Variants in STRN observed in about 807,000 individuals in gnomAD.
STRN encodes striatin.
In STRN, 53 loss-of-function variants were observed where a neutral mutation model predicts 96.3. That is an observed-to-expected ratio of 0.55 (90% CI 0.44 to 0.69). STRN has a LOEUF of 0.69. STRN is among the 30% of genes least tolerant of loss of function. STRN has a pLI of 0.00. For missense variants in STRN, 987 were observed against 963.9 expected, an observed-to-expected ratio of 1.02 and a Z score of -0.32; for synonymous variants, 428 against 355.9, an observed-to-expected ratio of 1.20 and a Z score of -2.28.
intron 2 of STRN, among the ~76,000 whole-genome samples, chr2:36,924,452 GA>G (rs1670356034): frequency 6.6e-6 from 1 of 150,638 alleles, no homozygotes; most frequent in Non-Finnish European, 1.5e-5. Context: ...AATATTAAAT[GA>G]CAGGAAAAGG....
intron 1 of STRN, among the ~76,000 whole-genome samples, chr2:36,957,742 G>GTTTTTTTTTTTTTTTTTTTTTTTTTTTT (rs1158709835): frequency 9.7e-6 from 1 of 103,132 alleles, no homozygotes; most frequent in African/African-American, 3.5e-5. Flanking sequence ...TCTTCTTTTT[G>GTTTTTTTTTTTTTTTTTTTTTTTTTTTT]TCTTTTTTTT....
Position 36,849,631 on chromosome 2 carries a change from T to C in STRN, c.2174-6A>G. 1 of 1,610,352 alleles carries C rather than the reference T, an allele frequency of 6.2e-7. No homozygotes were observed. The highest frequency in any genetic ancestry group is 8.5e-7 in the Non-Finnish European group (1 of 1,179,024). On this transcript the variant is annotated splice_region_variant and splice_polypyrimidine_tract_variant and intron_variant, in intron 17 of 17. Transcript: ENST00000263918. The stretch of plus-strand genomic sequence containing the variant: ...ACGTATTGAACAGTCATGACCTATA[T>C]CCAAAAAAAAAATTAAAAGGAAAAA...
At chr2:36,867,761 C>A in intron 12 of STRN, 53 bp downstream of exon 12, 1 of 1,196,954 alleles carries the variant, frequency 8.4e-7, no homozygotes, top group Non-Finnish European at 1.2e-6. Context: ...ATATCCTAAC[C>A]AGGCTATTTT....
At chr2:36,929,630 A>G (rs1452963297) in intron 1 of STRN, among the ~76,000 whole-genome samples, 1 of 152,120 alleles carries the variant, frequency 6.6e-6, no homozygotes, top group African/African-American at 2.4e-5. Context: ...TGATCCACCC[A>G]CCTCAGCCTC....
intron 1 of STRN, among the ~76,000 whole-genome samples, chr2:36,957,737 T>C (rs1664924350): frequency 7.3e-6 from 1 of 137,776 alleles, no homozygotes; most frequent in Admixed American, 7.3e-5. Flanking sequence ...ATAGTTCTTC[T>C]TTTTGTCTTT....
intron 9 of STRN, among the ~76,000 whole-genome samples, chr2:36,882,211 T>C (rs1669091280): frequency 6.6e-6 from 1 of 152,128 alleles, no homozygotes; most frequent in African/African-American, 2.4e-5. Context: ...AAAAAACATA[T>C]GATTATGCTG....
intron 10 of STRN, among the ~76,000 whole-genome samples, chr2:36,870,283 C>T (rs527869639): frequency 2.5e-5 from 3 of 121,148 alleles, no homozygotes; most frequent in African/African-American, 8.6e-5. Flanking sequence ...CATGGTAACT[C>T]AATCTCAAAA....
rs1572610610 is a variant in STRN at position 36,838,203 on chromosome 2, A to G, written c.*11253T>C. On this transcript the variant is annotated 3_prime_UTR_variant, in exon 18 of 18. Transcript: ENST00000263918. ...GTGGAAGGGACCACGTGCAAGGACCACGGAGCAACCTCTAAAGGATCAGAT... is the reference window on the plus strand; with the variant it reads ...GTGGAAGGGACCACGTGCAAGGACCGCGGAGCAACCTCTAAAGGATCAGAT... 6.6e-6 allele frequency among the ~76,000 whole-genome samples: 1 copy of G among 152,236 alleles called. No homozygotes were observed. Among genetic ancestry groups the G allele is most frequent in the Non-Finnish European group, 1.5e-5 (1 of 68,036 alleles).
At chr2:36,909,733 G>C (rs1669916085) in intron 3 of STRN, among the ~76,000 whole-genome samples, 1 of 151,792 alleles carries the variant, frequency 6.6e-6, no homozygotes. Context: ...ACTACACCAG[G>C]GCATATCATA....
At chr2:36,953,692 G>A (rs967137112) in intron 1 of STRN, among the ~76,000 whole-genome samples, 4 of 152,136 alleles carry the variant, frequency 2.6e-5, no homozygotes, top group Admixed American at 6.6e-5. Flanking sequence ...GTGAGCCACC[G>A]TGCCAGGCCA....
chr2:36,892,409 A>C (rs1278244384), intron 7 of STRN, among the ~76,000 whole-genome samples: 2 of 152,212 alleles, frequency 1.3e-5, no homozygotes, highest in Admixed American at 6.5e-5. Flanking sequence ...ATGTACTCCC[A>C]AAACTGAAAG....
intron 15 of STRN, among the ~76,000 whole-genome samples, chr2:36,852,414 A>G (rs1463427133): frequency 6.6e-6 from 1 of 152,216 alleles, no homozygotes; most frequent in Non-Finnish European, 1.5e-5. Context: ...GTATTGTGTC[A>G]ATGTTAAGTT....
chr2:36,856,609 TG>T (rs1668347198), intron 14 of STRN, among the ~76,000 whole-genome samples: 1 of 152,044 alleles, frequency 6.6e-6, no homozygotes, highest in African/African-American at 2.4e-5. Flanking sequence ...ATCACAACAG[TG>T]GGTACCTCTG....
chr2:36,873,786 T>C (rs929746188), intron 10 of STRN, among the ~76,000 whole-genome samples: 4 of 149,030 alleles, frequency 2.7e-5, no homozygotes, highest in African/African-American at 1.0e-4. Context: ...CTACTAAGAA[T>C]ACAAAAATTA....
chr2:36,860,426 T>C (rs987867057), intron 13 of STRN, among the ~76,000 whole-genome samples: 4 of 152,206 alleles, frequency 2.6e-5, no homozygotes, highest in African/African-American at 4.8e-5. Flanking sequence ...GGAAAAATTT[T>C]TGTTTATTGA....
intron 10 of STRN, among the ~76,000 whole-genome samples, chr2:36,873,840 G>A (rs993390540): frequency 6.6e-6 from 1 of 151,800 alleles, no homozygotes; most frequent in African/African-American, 2.4e-5. Context: ...CTACCCGAGA[G>A]GCTGAGGCAG....
At chr2:36,957,225 C>T (rs1664909447) in intron 1 of STRN, among the ~76,000 whole-genome samples, 1 of 152,186 alleles carries the variant, frequency 6.6e-6, no homozygotes, top group Non-Finnish European at 1.5e-5. Context: ...TATATTGGCC[C>T]TCAAATGTAT....
intron 13 of STRN, among the ~76,000 whole-genome samples, chr2:36,858,903 A>G (rs1052980622): frequency 6.6e-6 from 1 of 152,222 alleles, no homozygotes; most frequent in Non-Finnish European, 1.5e-5. Context: ...AGCAGAGAGT[A>G]ACTGGAATGA....
In STRN at chr2:36,925,114, T is replaced by C. The variant is rs1316527375; in HGVS notation, c.329A>G (p.Lys110Arg). ...RRIKMLEYAL[K>R]QERAKYHKLK... The stretch of plus-strand genomic sequence containing the variant: ...CATTTTACTGAATTACCTTTCCTGT[T>C]TAAGAGCATACTCCAACATTTTGAT... The change falls in exon 2 of 18, where the codon AAA (lysine) becomes AGA (arginine). Residue 110 changes from lysine (K) to arginine (R), a missense_variant. Transcript: ENST00000263918. 2.5e-6 allele frequency: 4 copies of C among 1,611,282 alleles called. No individual in the cohort carries two copies. Among genetic ancestry groups the C allele is most frequent in the Non-Finnish European group, 3.4e-6 (4 of 1,177,766 alleles).
Sources: gnomAD v4.1 joint callset for allele counts (sites outside exome capture counted in the v4.1 genomes callset) on GRCh38, gnomAD v4.1.1 for gene constraint, MANE v1.5 for transcripts, NCBI Gene and HGNC (gene_info 2026-07-23, HGNC 2026-07-21) for gene names.